Variants in PIP5K1B observed in about 807,000 individuals in gnomAD.
The protein encoded by PIP5K1B is phosphatidylinositol-4-phosphate 5-kinase type 1 beta, also known as phosphatidylinositol 4-phosphate 5-kinase type-1 beta.
In PIP5K1B, 42 loss-of-function variants were observed where a neutral mutation model predicts 67.0. The ratio of observed to expected loss-of-function variants is 0.63; its 90% CI spans 0.49 to 0.81. PIP5K1B has a LOEUF of 0.81. PIP5K1B is among the 30% of genes least tolerant of loss of function. The pLI is 0.00. For synonymous variants in PIP5K1B, 214 were observed against 231.4 expected, an observed-to-expected ratio of 0.92 and a Z score of 0.68; for missense variants, 459 against 646.3, an observed-to-expected ratio of 0.71 and a Z score of 3.14.
intron 4 of PIP5K1B, chr9:68,843,354 TCA>T (rs1473837952): frequency 1.3e-5 from 2 of 152,210 alleles, no homozygotes; most frequent in African/African-American, 4.8e-5. Flanking sequence ...CATGTTCTAC[TCA>T]CAGACCAATG....
At chr9:68,967,149 G>T (rs1829082068) in intron 14 of PIP5K1B, among the ~76,000 whole-genome samples, 1 of 152,186 alleles carries the variant, frequency 6.6e-6, no homozygotes, top group Admixed American at 6.5e-5. Context: ...GATACCTGTG[G>T]TAGTTGTTTC....
At chr9:68,713,162 C>A (rs1022057410) in intron 1 of PIP5K1B, among the ~76,000 whole-genome samples, 6 of 152,110 alleles carry the variant, frequency 3.9e-5, no homozygotes, top group African/African-American at 9.7e-5. Flanking sequence ...ACCTTGGGAG[C>A]CCGAAGCAGG....
chr9:68,794,649 A>G (rs1832185434), intron 2 of PIP5K1B, among the ~76,000 whole-genome samples: 1 of 151,882 alleles, frequency 6.6e-6, no homozygotes, highest in African/African-American at 2.4e-5. Flanking sequence ...ACTTTGGCCC[A>G]GTTTCCTAAC....
At chr9:68,879,195 G>T (rs1490262266) in intron 6 of PIP5K1B, among the ~76,000 whole-genome samples, 1 of 152,176 alleles carries the variant, frequency 6.6e-6, no homozygotes, top group Non-Finnish European at 1.5e-5. Flanking sequence ...AAGATATACT[G>T]AAATATCTAT....
At chr9:68,738,580 G>A (rs1038070842) in intron 1 of PIP5K1B, among the ~76,000 whole-genome samples, 4 of 152,308 alleles carry the variant, frequency 2.6e-5, no homozygotes, top group Admixed American at 2.6e-4. Context: ...AGCTGGAGAT[G>A]ACAAGGGGTG....
chr9:68,870,562 T>C (rs1002556902), intron 5 of PIP5K1B, among the ~76,000 whole-genome samples: 10 of 152,242 alleles, frequency 6.6e-5, no homozygotes, highest in African/African-American at 2.4e-4. Flanking sequence ...TTGGCTGAAT[T>C]GGCAGAGGCA....
intron 14 of PIP5K1B, among the ~76,000 whole-genome samples, chr9:68,979,629 G>A (rs1371483014): frequency 6.8e-6 from 1 of 147,050 alleles, no homozygotes; most frequent in Non-Finnish European, 1.5e-5. Context: ...GTCACTGCCA[G>A]TTCTCTGAGC....
At chr9:68,890,661 A>G (rs910250694) in intron 7 of PIP5K1B, among the ~76,000 whole-genome samples, 2 of 150,232 alleles carry the variant, frequency 1.3e-5, no homozygotes, top group Non-Finnish European at 3.0e-5. Flanking sequence ...CTGAGCAATT[A>G]TTTTTTTTTG....
chr9:68,788,531 A>G, intron 2 of PIP5K1B: 1 of 300,722 alleles, frequency 3.3e-6, no homozygotes, highest in Non-Finnish European at 6.2e-6. Flanking sequence ...ATTAAAGAGT[A>G]TAGAAGGAAA....
chr9:68,818,185 T>G (rs941023133), intron 2 of PIP5K1B, among the ~76,000 whole-genome samples: 16 of 152,356 alleles, frequency 1.1e-4, no homozygotes, highest in Middle Eastern at 3.4e-3. Flanking sequence ...TGATCGTATT[T>G]TCCTTTCCTC....
intron 2 of PIP5K1B, among the ~76,000 whole-genome samples, chr9:68,756,561 TAGAAA>T (rs777306347): frequency 1.1e-4 from 16 of 152,234 alleles, no homozygotes; most frequent in Non-Finnish European, 2.1e-4. Context: ...TAAAGAGAAT[TAGAAA>T]AGAATTTTCT....
intron 14 of PIP5K1B, among the ~76,000 whole-genome samples, chr9:68,971,074 C>T (rs1829340203): frequency 6.6e-6 from 1 of 152,102 alleles, no homozygotes; most frequent in Non-Finnish European, 1.5e-5. Flanking sequence ...CATAGGTATA[C>T]ATGTGCCATG....
chr9:68,723,411 C>A (rs1198050280), intron 1 of PIP5K1B, among the ~76,000 whole-genome samples: 2 of 151,312 alleles, frequency 1.3e-5, no homozygotes, highest in Non-Finnish European at 2.9e-5. Context: ...TTTTGAGGAA[C>A]TTACATCGTT....
At chr9:68,740,104 A>G (rs184181636) in intron 1 of PIP5K1B, among the ~76,000 whole-genome samples, 2 of 152,300 alleles carry the variant, frequency 1.3e-5, no homozygotes, top group Admixed American at 6.5e-5. Context: ...CCCTACCAGT[A>G]AGATAAAGGG....
At chr9:68,775,649 T>C (rs1830880451) in intron 2 of PIP5K1B, among the ~76,000 whole-genome samples, 2 of 152,202 alleles carry the variant, frequency 1.3e-5, no homozygotes, top group Non-Finnish European at 2.9e-5. Context: ...TCATGAATTG[T>C]TTATTTCTGG....
At chr9:68,952,461 A>G (rs934819629) in intron 14 of PIP5K1B, among the ~76,000 whole-genome samples, 1 of 152,086 alleles carries the variant, frequency 6.6e-6, no homozygotes, top group African/African-American at 2.4e-5. Flanking sequence ...GTTGTTTGTC[A>G]TCTCCTACAT....
intron 2 of PIP5K1B, among the ~76,000 whole-genome samples, chr9:68,791,355 G>A (rs930392848): frequency 1.3e-5 from 2 of 152,184 alleles, no homozygotes; most frequent in African/African-American, 2.4e-5. Context: ...ATATTTGGGA[G>A]GGAGTGGGAG....
intron 4 of PIP5K1B, among the ~76,000 whole-genome samples, chr9:68,824,483 G>A (rs184975155): frequency 4.4e-4 from 67 of 152,158 alleles, no homozygotes; most frequent in Non-Finnish European, 8.8e-5. Flanking sequence ...TTCTATGGTA[G>A]GAGAAATAAG....
chr9:68,830,277 C>G (rs1231923997), intron 4 of PIP5K1B, among the ~76,000 whole-genome samples: 4 of 152,182 alleles, frequency 2.6e-5, no homozygotes, highest in East Asian at 1.9e-4. Context: ...ATGCACCCCC[C>G]GCCCTGTCAG....
Sources: allele counts gnomAD v4.1 joint callset (sites outside exome capture counted in the v4.1 genomes callset), GRCh38; gene constraint gnomAD v4.1.1; transcripts MANE v1.5; gene names NCBI Gene and HGNC (gene_info 2026-07-23, HGNC 2026-07-21).